Variants in KCNN1 observed in about 807,000 individuals in gnomAD.
The protein encoded by KCNN1 is small conductance calcium-activated potassium channel protein 1.
A neutral mutation model predicts 44.7 loss-of-function variants in KCNN1; 20 were observed. The observed-to-expected ratio is 0.45, with a 90% CI of 0.32 to 0.65. KCNN1 has a LOEUF of 0.65. KCNN1 is among the 30% of genes least tolerant of loss of function. The probability of loss-of-function intolerance (pLI) is 0.05; values close to 1 mark genes in which losing one functional copy is unlikely to be tolerated. For synonymous variants in KCNN1, 324 were observed against 341.7 expected, an observed-to-expected ratio of 0.95 and a Z score of 0.57; for missense variants, 632 against 785.3, an observed-to-expected ratio of 0.80 and a Z score of 2.33.
chr19:17,982,708 G>A, intron 4 of KCNN1: 1 of 594,690 alleles, frequency 1.7e-6, no homozygotes, highest in Non-Finnish European at 2.1e-6. Context: ...GCCCGGCGGG[G>A]TGGGTCGGGG....
Position 17,973,943 on chromosome 19 carries a change from G to C in KCNN1, c.55G>C (p.Gly19Arg). 6.4e-7 allele frequency: 1 copy of C among 1,557,652 alleles called. No individual in the cohort carries two copies. Among genetic ancestry groups the C allele is most frequent in the Non-Finnish European group, 8.7e-7 (1 of 1,153,062 alleles). ...SVGRPLGSGP[G>R]ALGRDPPDPE... is the part of the protein sequence containing the mutation. ...GGGGCGGCCGCTGGGCAGCGGGCCGGGCGCCCTGGGACGAGACCCTCCGGA... is the reference window on the plus strand; with the variant it reads ...GGGGCGGCCGCTGGGCAGCGGGCCGCGCGCCCTGGGACGAGACCCTCCGGA... Residue 19 changes from glycine (G) to arginine (R), a missense_variant, in exon 2 of 10, where the codon GGC becomes CGC. This residue lies in a region of KCNN1 where 235 missense variants were observed against 224.0 expected (regional missense o/e 1.05). Transcript: ENST00000684775.
chr19:17,967,784 C>T (rs1481211047), intron 1 of KCNN1, among the ~76,000 whole-genome samples: 1 of 152,054 alleles, frequency 6.6e-6, no homozygotes, highest in Non-Finnish European at 1.5e-5. Flanking sequence ...GGCACTGCCC[C>T]TGCTGTTCTG....
chr19:17,964,463 C>G (rs530476677), upstream of KCNN1, among the ~76,000 whole-genome samples: 2 of 152,268 alleles, frequency 1.3e-5, no homozygotes, highest in African/African-American at 2.4e-5. This position sits in a 1 kb window ranked among gnomAD's most constrained non-coding sequence, Gnocchi z 4.3. Flanking sequence ...GCTCTCCAGC[C>G]GCCTCCACCA....
At chr19:17,969,799 C>T (rs1161033712) in intron 1 of KCNN1, among the ~76,000 whole-genome samples, 1 of 152,226 alleles carries the variant, frequency 6.6e-6, no homozygotes, top group Non-Finnish European at 1.5e-5. Context: ...GGAAGTTTTG[C>T]ACCCTCGGGG....
rs556614091 is a variant in KCNN1 at position 17,987,092 on chromosome 19, G to A, written c.1060-1323G>A. On this transcript the variant is annotated intron_variant, in intron 5 of 9. Coordinates refer to ENST00000684775, the MANE Select transcript of KCNN1 (RefSeq NM_001386974.1). ...AAGGTGCTGGGATTACAGGCATGAC[G>A]CCACCACGCTGGCCCTTTTTTTCTT... Among the ~76,000 whole-genome samples, 9 of 149,838 alleles carry A rather than the reference G, an allele frequency of 6.0e-5. No individual in the cohort carries two copies. In the East Asian group the frequency reaches 1.4e-3, roughly 23 times the overall value.
intron 1 of KCNN1, among the ~76,000 whole-genome samples, chr19:17,952,613 C>T (rs2031441002): frequency 6.6e-6 from 1 of 152,126 alleles, no homozygotes; most frequent in Admixed American, 6.5e-5. Context: ...AAGGTGGGGA[C>T]ATGGGGATCC....
rs1312280929 is a variant in KCNN1 at position 17,998,549 on chromosome 19, C to G, written c.*143C>G. On this transcript the variant is annotated 3_prime_UTR_variant, in exon 10 of 10. Transcript: ENST00000684775. The surrounding 1 kb of genome is among the most constrained non-coding windows in gnomAD (Gnocchi z 5.4). ...TGGACTGAGGCCTGCCCCGCCCAGA[C>G]TGCCCAGGCAGAGGGCAGGGCTGGA... The G allele has an allele frequency of 3.4e-6, 3 of 886,036 alleles. No individual in the cohort carries two copies. Among genetic ancestry groups the G allele is most frequent in the Non-Finnish European group, 4.9e-6 (3 of 612,278 alleles). 54.9% of individuals were successfully genotyped at this position (886,036 alleles called of 1,614,324 possible).
At chr19:17,958,952 G>A (rs756968129) in intron 2 of KCNN1, among the ~76,000 whole-genome samples, 66 of 149,996 alleles carry the variant, frequency 4.4e-4, no homozygotes, top group African/African-American at 8.1e-4. Flanking sequence ...CACCCGCCTC[G>A]GCCTCCTAAA....
At chr19:17,970,805 G>A (rs2031991609) in intron 1 of KCNN1, among the ~76,000 whole-genome samples, 1 of 152,174 alleles carries the variant, frequency 6.6e-6, no homozygotes, top group South Asian at 2.1e-4. Flanking sequence ...ACAGTGTGGG[G>A]GGTGCCGGAC....
chr19:17,964,213 G>C (rs1035654977), upstream of KCNN1, among the ~76,000 whole-genome samples: 6 of 152,212 alleles, frequency 3.9e-5, no homozygotes, highest in Non-Finnish European at 7.3e-5. This position sits in a 1 kb window ranked among gnomAD's most constrained non-coding sequence, Gnocchi z 4.3. Flanking sequence ...TGGGGCCCAG[G>C]TTCCAGCTTC....
chr19:17,998,427 C>T lies in KCNN1; in HGVS notation c.*21C>T, dbSNP rs760775672. The stretch of plus-strand genomic sequence containing the variant: ...GGTGACGGCCCTGCCCGCCACCAGA[C>T]CCCTAAATCTTGGCCATCGTGTGGC... On this transcript the variant is annotated 3_prime_UTR_variant, in exon 10 of 10. Coordinates refer to ENST00000684775, the MANE Select transcript of KCNN1 (RefSeq NM_001386974.1). This position sits in a 1 kb window ranked among gnomAD's most constrained non-coding sequence, Gnocchi z 5.4. The T allele has an allele frequency of 6.8e-7, 1 of 1,460,774 alleles. No individual in the cohort carries two copies. Among genetic ancestry groups the T allele is most frequent in the Non-Finnish European group, 9.0e-7 (1 of 1,113,304 alleles). 90.5% of individuals were successfully genotyped at this position (1,460,774 alleles called of 1,614,324 possible). A position where few individuals can be genotyped will look rare whatever the true frequency, so the allele number is the denominator to read the frequency against.
Position 17,998,645 on chromosome 19 carries a change from G to A in KCNN1, c.*239G>A, listed in dbSNP as rs1000174189. 22 of 461,934 alleles carry A rather than the reference G, an allele frequency of 4.8e-5. No individual in the cohort carries two copies. In the South Asian group the frequency reaches 8.7e-4, roughly 18 times the overall value. The allele number at this position is 461,934 out of a possible 1,614,324, so 28.6% of individuals were successfully genotyped here. On this transcript the variant is annotated 3_prime_UTR_variant, in exon 10 of 10. Transcript: ENST00000684775. The surrounding 1 kb of genome is among the most constrained non-coding windows in gnomAD (Gnocchi z 5.4). ...GTCCCCCGACTCTCCCCAGGCCCCC[G>A]GTGGGCATGGAGCAGCCCGGGGAGG...
At position 17,993,586 on chromosome 19, in the gene KCNN1, A is replaced by AGACAGGGCAGGTGGGGCCC. The variant is rs552448016; in HGVS notation, c.1377+28_1377+46dup. ...TGAGTGGGTTGGGGCAGGGTGGGCC[A>AGACAGGGCAGGTGGGGCCC]GACAGGGCAGGTGGGGCCCCGGAGC... On this transcript the variant is annotated intron_variant, in intron 9 of 9. Transcript: ENST00000684775. The surrounding 1 kb of genome is among the most constrained non-coding windows in gnomAD (Gnocchi z 4.5). 0.011 allele frequency: 17,799 copies of AGACAGGGCAGGTGGGGCCC among 1,606,478 alleles called. 150 individuals are homozygous for AGACAGGGCAGGTGGGGCCC. The highest frequency in any genetic ancestry group is 0.013 in the Non-Finnish European group (15,004 of 1,173,256).
chr19:17,986,086 C>T (rs1028248694), intron 5 of KCNN1, among the ~76,000 whole-genome samples: 1 of 152,070 alleles, frequency 6.6e-6, no homozygotes, highest in African/African-American at 2.4e-5. Flanking sequence ...ACAAAAATAG[C>T]CGGGAGTGGT....
In KCNN1 at chr19:17,983,382, C is replaced by G. The variant is rs1016087745; in HGVS notation, c.917+1255C>G. On this transcript the variant is annotated intron_variant, in intron 4 of 9. Coordinates refer to ENST00000684775, the MANE Select transcript of KCNN1 (RefSeq NM_001386974.1). The surrounding 1 kb of genome is among the most constrained non-coding windows in gnomAD (Gnocchi z 4.5). ...CCAGCCCCCACCCCCCATACTCCCA[C>G]GGGCCCTGCCTGGGCATGAGGCCTG... Among the ~76,000 whole-genome samples the G allele has an allele frequency of 6.6e-6, 1 of 152,108 alleles. No individual in the cohort carries two copies. Among genetic ancestry groups the G allele is most frequent in the Non-Finnish European group, 1.5e-5 (1 of 67,982 alleles).
intron 1 of KCNN1, among the ~76,000 whole-genome samples, chr19:17,973,322 C>T (rs2032086973): frequency 6.6e-6 from 1 of 152,086 alleles, no homozygotes; most frequent in Admixed American, 6.6e-5. Context: ...ACTCTGCCAC[C>T]CAGGCTGGAG....
chr19:17,982,313 T>C (rs1599366349), intron 4 of KCNN1, among the ~76,000 whole-genome samples, 186 bp downstream of exon 4: 1 of 152,134 alleles, frequency 6.6e-6, no homozygotes, highest in South Asian at 2.1e-4. Context: ...TCATCCTCCC[T>C]GGGGACCTAA....
At chr19:17,954,087 T>C (rs1398531663) in intron 1 of KCNN1, among the ~76,000 whole-genome samples, 1 of 152,014 alleles carries the variant, frequency 6.6e-6, no homozygotes, top group Non-Finnish European at 1.5e-5. Flanking sequence ...ATGGAAGAGG[T>C]GGGGCTAGCC....
At chr19:17,996,186 TAG>T (rs2032985501) in intron 9 of KCNN1, among the ~76,000 whole-genome samples, 1 of 90,088 alleles carries the variant, frequency 1.1e-5, no homozygotes, top group African/African-American at 4.4e-5. Flanking sequence ...AAAAAAAAAA[TAG>T]AAAAATTAGC....
Sources: gnomAD v4.1 joint callset for allele counts (sites outside exome capture counted in the v4.1 genomes callset) on GRCh38, gnomAD v4.1.1 for gene constraint, gnomAD v4.1.1 regional missense constraint, Gnocchi (gnomAD v3.1) non-coding constraint, MANE v1.5 for transcripts, NCBI Gene and HGNC (gene_info 2026-07-23, HGNC 2026-07-21) for gene names.